Variants in CCL22 observed in about 807,000 individuals in gnomAD.
CCL22 encodes the protein C-C motif chemokine 22.
A neutral mutation model predicts 7.6 loss-of-function variants in CCL22; 7 were observed. The observed-to-expected ratio is 0.92, with a 90% CI of 0.52 to 1.72. The LOEUF (loss-of-function observed/expected upper bound fraction) is 1.72, where lower values mean the gene tolerates loss of function less well. Ranked by LOEUF, CCL22 falls within the 40% of genes most tolerant of loss-of-function variation. CCL22 has a pLI of 0.00. For synonymous variants in CCL22, 55 were observed against 47.2 expected, an observed-to-expected ratio of 1.17 and a Z score of -0.68; for missense variants, 115 against 124.7, an observed-to-expected ratio of 0.92 and a Z score of 0.37.
At position 57,360,455 on chromosome 16, in the gene CCL22, T is replaced by TGGAAGACAGC. The variant is rs1361529955; in HGVS notation, c.94_103dup (p.Val35GlyfsTer8). On this transcript the variant is annotated frameshift_variant, in exon 2 of 3. Transcript: ENST00000219235. LOFTEE classifies it high-confidence loss of function. Reference sequence around the variant, plus strand: ...CCCCTAGGCCCCTACGGCGCCAACATGGAAGACAGCGTCTGCTGCCGTGAT... The same window carrying TGGAAGACAGC: ...CCCCTAGGCCCCTACGGCGCCAACATGGAAGACAGCGGAAGACAGCGTCTGCTGCCGTGAT... 1 of 1,614,106 alleles carries TGGAAGACAGC rather than the reference T, an allele frequency of 6.2e-7. No homozygotes were observed. Among genetic ancestry groups the TGGAAGACAGC allele is most frequent in the Non-Finnish European group, 8.5e-7 (1 of 1,180,044 alleles).
chr16:57,359,680 TG>T (rs1902026905), intron 1 of CCL22, among the ~76,000 whole-genome samples: 1 of 152,130 alleles, frequency 6.6e-6, no homozygotes, highest in Admixed American at 6.6e-5. Context: ...TTGCCCAGGC[TG>T]GAGTGCAGTG....
chr16:57,358,627 A>G (rs529197275), upstream of CCL22: 2 of 590,090 alleles, frequency 3.4e-6, no homozygotes, highest in East Asian at 2.9e-5. Flanking sequence ...TTCCCCGCCA[A>G]AGAGAATTTC....
Position 57,358,791 on chromosome 16 carries a change from C to G in CCL22, c.-26C>G. 1 of 1,582,610 alleles carries G rather than the reference C, an allele frequency of 6.3e-7. No individual in the cohort carries two copies. The highest frequency in any genetic ancestry group is 8.7e-7 in the Non-Finnish European group (1 of 1,151,300). On this transcript the variant is annotated 5_prime_UTR_variant, in exon 1 of 3. Transcript: ENST00000219235. ...TCTTCCTATGTCCCTTTGCAGACAC[C>G]TGGGCTGAGACATACAGGACAGAGC... is the stretch of plus-strand genomic sequence containing the variant.
rs1902081938 is a variant in CCL22, at chr16:57,364,427, G to A, written c.*839G>A. The A allele has an allele frequency of 2.6e-5, 4 of 151,120 alleles. No homozygotes were observed. Among genetic ancestry groups the A allele is most frequent in the Admixed American group, 2.6e-4 (4 of 15,184 alleles). The allele number at this position is 151,120 out of a possible 1,614,324, so 9.4% of individuals were successfully genotyped here. On this transcript the variant is annotated 3_prime_UTR_variant, in exon 3 of 3. Transcript: ENST00000219235. Reference sequence around the variant, plus strand: ...AGGTCACTAGAAATGGGCCAGCTGGGTCAATGTGAAGCCCCAAATTTGCCC... The same window carrying A: ...AGGTCACTAGAAATGGGCCAGCTGGATCAATGTGAAGCCCCAAATTTGCCC...
At chr16:57,360,592 G>GTGGGCCTGACGGGTACAGCCTGGGA (rs1273286476) in intron 2 of CCL22, 32 bp downstream of exon 2, 45 of 1,613,536 alleles carry the variant, frequency 2.8e-5, no homozygotes, top group Non-Finnish European at 3.7e-5. Context: ...CAGGGCCTTG[G>GTGGGCCTGACGGGTACAGCCTGGGA]TGGGCCTGAC....
chr16:57,361,686 C>T (rs976754586), intron 2 of CCL22, among the ~76,000 whole-genome samples: 7 of 152,314 alleles, frequency 4.6e-5, no homozygotes, highest in African/African-American at 1.2e-4. Flanking sequence ...GCCCTCTCTG[C>T]GGTAGCCTCT....
At chr16:57,358,227 G>A (rs1699277255), upstream of CCL22, among the ~76,000 whole-genome samples, 2 of 152,190 alleles carry the variant, frequency 1.3e-5, no homozygotes, top group Admixed American at 1.3e-4. Flanking sequence ...CAGAAGTGTG[G>A]GTAGATGCTT....
Position 57,360,498 on chromosome 16 carries a change from G to A in CCL22, c.135G>A (p.Leu45=), listed in dbSNP as rs1902036529. 6.2e-7 allele frequency: 1 copy of A among 1,614,224 alleles called. No individual in the cohort carries two copies. Among genetic ancestry groups the A allele is most frequent in the Non-Finnish European group, 8.5e-7 (1 of 1,180,026 alleles). Reference sequence around the variant, plus strand: ...GCCGTGATTACGTCCGTTACCGTCTGCCCCTGCGCGTGGTGAAACACTTCT... The same window carrying A: ...GCCGTGATTACGTCCGTTACCGTCTACCCCTGCGCGTGGTGAAACACTTCT... ...VCCRDYVRYR[L]PLRVVKHFYW... is the part of the protein sequence containing the mutation. The change falls in exon 2 of 3, where the codon CTG becomes CTA. Residue 45 remains leucine, a synonymous_variant. Transcript: ENST00000219235.
At chr16:57,359,240 G>C (rs983843986) in intron 1 of CCL22, among the ~76,000 whole-genome samples, 1 of 151,890 alleles carries the variant, frequency 6.6e-6, no homozygotes, top group African/African-American at 2.4e-5. Context: ...TGGGGCAAGG[G>C]GTTCTCCCTT....
chr16:57,360,908 G>A (rs1902042147), intron 2 of CCL22, among the ~76,000 whole-genome samples: 1 of 152,088 alleles, frequency 6.6e-6, no homozygotes, highest in Admixed American at 6.6e-5. Flanking sequence ...GGTATAGCAG[G>A]TATAGGAGTA....
chr16:57,363,593 C>G lies in CCL22; in HGVS notation c.*5C>G. 1 of 1,603,892 alleles carries G rather than the reference C, an allele frequency of 6.2e-7. No homozygotes were observed. Among genetic ancestry groups the G allele is most frequent in the South Asian group, 1.1e-5 (1 of 90,850 alleles). The stretch of plus-strand genomic sequence containing the variant: ...CTCAATAAGCTGAGCCAATGAAGAG[C>G]CTACTCTGATGACCGTGGCCTTGGC... On this transcript the variant is annotated 3_prime_UTR_variant, in exon 3 of 3. Coordinates refer to ENST00000219235, the MANE Select transcript of CCL22 (RefSeq NM_002990.5).
At chr16:57,360,329 A>G in intron 1 of CCL22, 108 bp from the exon 2 acceptor site, 1 of 1,375,432 alleles carries the variant, frequency 7.3e-7, no homozygotes, top group South Asian at 1.3e-5. Flanking sequence ...GAGAACAGAA[A>G]AACTGCATCT....
intron 1 of CCL22, 33 bp from the exon 2 acceptor site, chr16:57,360,404 A>G: frequency 6.2e-7 from 1 of 1,613,580 alleles, no homozygotes; most frequent in African/African-American, 1.3e-5. Flanking sequence ...TCTGGGCTCC[A>G]GCTTGTGAAT....
rs1902091073 is a variant in CCL22 at position 57,364,860 on chromosome 16, T to C, written c.*1272T>C. The C allele has an allele frequency of 6.9e-6, 1 of 145,102 alleles. No individual in the cohort carries two copies. Among genetic ancestry groups the C allele is most frequent in the African/African-American group, 2.6e-5 (1 of 38,848 alleles). The allele number at this position is 145,102 out of a possible 1,614,324, so 9.0% of individuals were successfully genotyped here. On this transcript the variant is annotated 3_prime_UTR_variant, in exon 3 of 3. Coordinates refer to ENST00000219235, the MANE Select transcript of CCL22 (RefSeq NM_002990.5). ...CTCTGTCGCCCAGGCTGGAGTGCAGTGGCGTGATCTCGGCTCACTACAACC... is the reference window on the plus strand; with the variant it reads ...CTCTGTCGCCCAGGCTGGAGTGCAGCGGCGTGATCTCGGCTCACTACAACC...
chr16:57,358,134 C>T (rs982198744), upstream of CCL22, among the ~76,000 whole-genome samples: 3 of 151,982 alleles, frequency 2.0e-5, no homozygotes, highest in Non-Finnish European at 2.9e-5. Context: ...GCAGAATCAA[C>T]GGGACATGGA....
rs1052423063 is a variant in CCL22 at position 57,360,635 on chromosome 16, G to A, written c.197+75G>A. The A allele has an allele frequency of 3.2e-5, 50 of 1,556,790 alleles. No homozygotes were observed. The African/African-American group carries it at 5.8e-4, about 18-fold the overall frequency. ...GCCTGGGATGGCCCAGGTGCTGGTG[G>A]GTGGGACACACCCAGGGATGAGAGG... On this transcript the variant is annotated intron_variant, in intron 2 of 2. Transcript: ENST00000219235.
At position 57,363,489 on chromosome 16, in the gene CCL22, G is replaced by C; in HGVS notation, c.198-15G>C. ...CTAATGTTGCTGCATTGTCTCTGGG[G>C]TCTCCTTCTTCCAGGTTGCTAACCT... On this transcript the variant is annotated splice_polypyrimidine_tract_variant and intron_variant, in intron 2 of 2. Coordinates refer to ENST00000219235, the MANE Select transcript of CCL22 (RefSeq NM_002990.5). The C allele has an allele frequency of 6.3e-7, 1 of 1,585,060 alleles. No individual in the cohort carries two copies.
Position 57,360,496 on chromosome 16 carries a change from C to G in CCL22, c.133C>G (p.Leu45Val), listed in dbSNP as rs141535882. 5 of 1,614,222 alleles carry G rather than the reference C, an allele frequency of 3.1e-6. No homozygotes were observed. Among genetic ancestry groups the G allele is most frequent in the Non-Finnish European group, 4.2e-6 (5 of 1,180,034 alleles). The change falls in exon 2 of 3, where the codon CTG (leucine) becomes GTG (valine). Residue 45 changes from leucine to valine, a missense_variant. Leu to Val is a conservative substitution (Grantham distance 32). Transcript: ENST00000219235. ...CTGCCGTGATTACGTCCGTTACCGT[C>G]TGCCCCTGCGCGTGGTGAAACACTT... ...VCCRDYVRYR[L>V]PLRVVKHFYW...
chr16:57,359,779 C>T lies in CCL22; in HGVS notation c.74-658C>T, dbSNP rs1215573567. Among the ~76,000 whole-genome samples, 6 of 151,898 alleles carry T rather than the reference C, an allele frequency of 4.0e-5. No individual in the cohort carries two copies. The East Asian group carries it at 1.2e-3, about 29-fold the overall frequency. Reference sequence around the variant, plus strand: ...TCCTGAGTAGCTGGGATTACAGGCACCTGCCACCATGCCCGGCTAATTTTT... The same window carrying T: ...TCCTGAGTAGCTGGGATTACAGGCATCTGCCACCATGCCCGGCTAATTTTT... On this transcript the variant is annotated intron_variant, in intron 1 of 2. Transcript: ENST00000219235.
Sources: gnomAD v4.1 joint callset for allele counts (sites outside exome capture counted in the v4.1 genomes callset) on GRCh38, gnomAD v4.1.1 for gene constraint, MANE v1.5 for transcripts, NCBI Gene and HGNC (gene_info 2026-07-23, HGNC 2026-07-21) for gene names.